Variants in RABEP1 observed in about 807,000 individuals in gnomAD.
RABEP1 encodes rab GTPase-binding effector protein 1.
A neutral mutation model predicts 123.4 loss-of-function variants in RABEP1; 51 were observed. That is an observed-to-expected ratio of 0.41 (90% CI 0.33 to 0.52). The LOEUF (loss-of-function observed/expected upper bound fraction) is 0.52. Ranked by LOEUF, RABEP1 falls within the 20% of genes least tolerant of loss-of-function variation. RABEP1 has a pLI of 0.16. For missense variants in RABEP1, 888 were observed against 996.3 expected, an observed-to-expected ratio of 0.89 and a Z score of 1.46; for synonymous variants, 347 against 355.2, an observed-to-expected ratio of 0.98 and a Z score of 0.26.
chr17:5,322,116 C>T (rs538594289), intron 2 of RABEP1, among the ~76,000 whole-genome samples: 6 of 152,254 alleles, frequency 3.9e-5, no homozygotes, highest in African/African-American at 1.4e-4. Context: ...AGGAGAACCG[C>T]TTGAACCCAG....
Position 5,365,249 on chromosome 17 carries a change from G to T in RABEP1, c.1785+11G>T, listed in dbSNP as rs769764191. On this transcript the variant is annotated intron_variant, in intron 11 of 17. Coordinates refer to ENST00000537505, the MANE Select transcript of RABEP1 (RefSeq NM_004703.6). Reference sequence around the variant, plus strand: ...GATTCGAGTCACCAGGTAAGGGAGGGTTTATAGACTGTGGCCCATGAGGGA... The same window carrying T: ...GATTCGAGTCACCAGGTAAGGGAGGTTTTATAGACTGTGGCCCATGAGGGA... The T allele has an allele frequency of 3.2e-6, 5 of 1,555,770 alleles. No individual in the cohort carries two copies. The highest frequency in any genetic ancestry group is 2.6e-6 in the Non-Finnish European group (3 of 1,145,770).
chr17:5,369,700 T>C (rs957525587), intron 12 of RABEP1, among the ~76,000 whole-genome samples: 6 of 147,220 alleles, frequency 4.1e-5, no homozygotes, highest in Non-Finnish European at 7.5e-5. Flanking sequence ...CCTTCTTGTC[T>C]TTTTTTTTTT....
Position 5,385,813 on chromosome 17 carries a change from CTG to C in RABEP1, c.*2595_*2596del, listed in dbSNP as rs546065105. 1,048 of 244,920 alleles carry C rather than the reference CTG, an allele frequency of 4.3e-3. 5 individuals are homozygous for C. Among genetic ancestry groups the C allele is most frequent in the Non-Finnish European group, 6.6e-3 (833 of 126,672 alleles). 15.2% of individuals were successfully genotyped at this position (244,920 alleles called of 1,614,324 possible). A position where few individuals can be genotyped will look rare whatever the true frequency, so the allele number is the denominator to read the frequency against. On this transcript the variant is annotated 3_prime_UTR_variant, in exon 18 of 18. Coordinates refer to ENST00000537505, the MANE Select transcript of RABEP1 (RefSeq NM_004703.6). The stretch of plus-strand genomic sequence containing the variant: ...ATTAAAAAAGCTGCTGCCAAGTACA[CTG>C]TGTGGTCTTCTCCTTTGAATCCTAG...
At chr17:5,302,903 T>C (rs2075148454) in intron 1 of RABEP1, among the ~76,000 whole-genome samples, 1 of 142,062 alleles carries the variant, frequency 7.0e-6, no homozygotes, top group Non-Finnish European at 1.5e-5. Context: ...TAAAAAATGA[T>C]TTTTTTTGTG....
Position 5,351,672 on chromosome 17 carries a change from C to T in RABEP1, c.963+1043C>T, listed in dbSNP as rs180977655. Among the ~76,000 whole-genome samples, 227 of 152,080 alleles carry T rather than the reference C, an allele frequency of 1.5e-3. 1 individual carries two copies. Among genetic ancestry groups the T allele is most frequent in the Non-Finnish European group, 2.9e-3 (198 of 67,992 alleles). ...GAATAATTAGCTGGGCATGGTGGCA[C>T]GTGCCTGTAGTTCCAGCTACTTGGG... On this transcript the variant is annotated intron_variant, in intron 7 of 17. Coordinates refer to ENST00000537505, the MANE Select transcript of RABEP1 (RefSeq NM_004703.6).
chr17:5,324,907 TGGG>T (rs373514733), intron 2 of RABEP1, among the ~76,000 whole-genome samples: 30 of 152,274 alleles, frequency 2.0e-4, no homozygotes, highest in African/African-American at 7.2e-4. Flanking sequence ...CCACTGATGG[TGGG>T]AATGTAAGTT....
chr17:5,304,438 C>T lies in RABEP1; in HGVS notation c.35-4256C>T, dbSNP rs534629109. ...CTACTAAAAATACAAAAAAATTAGC[C>T]GGGTATGGTGGTAGGCTCCTGTAAT... On this transcript the variant is annotated intron_variant, in intron 1 of 17. Transcript: ENST00000537505. 5.2e-4 allele frequency among the ~76,000 whole-genome samples: 79 copies of T among 151,546 alleles called. 1 individual carries two copies. The highest frequency in any genetic ancestry group is 1.7e-3 in the African/African-American group (72 of 41,420).
chr17:5,366,644 C>T (rs961664776), intron 11 of RABEP1, among the ~76,000 whole-genome samples: 36 of 151,988 alleles, frequency 2.4e-4, no homozygotes, highest in East Asian at 5.9e-4. Context: ...TGGGGTTTCA[C>T]GTTGTTGGCC....
rs1906954001 is a variant in RABEP1, at chr17:5,335,222, C to T, written c.406C>T (p.Leu136=). Residue 136 remains leucine, a synonymous_variant, in exon 4 of 18, where the codon CTG becomes TTG. Coordinates refer to ENST00000537505, the MANE Select transcript of RABEP1 (RefSeq NM_004703.6). ...RDYEHQFHLR[L]EQERTQWAQY... ...CTATGAGCACCAGTTCCACCTTAGG[C>T]TGGAGCAGGAGCGAACACAGTGGGC... 1.2e-6 allele frequency: 2 copies of T among 1,613,402 alleles called. No homozygotes were observed. Among genetic ancestry groups the T allele is most frequent in the Non-Finnish European group, 8.5e-7 (1 of 1,179,668 alleles).
At chr17:5,346,968 A>G (rs768967506) in intron 6 of RABEP1, 43 bp downstream of exon 6, 8 of 1,461,766 alleles carry the variant, frequency 5.5e-6, no homozygotes, top group East Asian at 2.4e-5. Flanking sequence ...TAAGAACCAT[A>G]TAAGTTAAAT....
intron 12 of RABEP1, among the ~76,000 whole-genome samples, chr17:5,372,012 A>G (rs532846449): frequency 1.3e-5 from 2 of 152,226 alleles, no homozygotes; most frequent in Admixed American, 6.5e-5. Flanking sequence ...ACAGATTAGC[A>G]GGAGTCACGT....
At chr17:5,293,116 G>A (rs888825084) in intron 1 of RABEP1, among the ~76,000 whole-genome samples, 10 of 152,116 alleles carry the variant, frequency 6.6e-5, no homozygotes, top group South Asian at 2.1e-4. Context: ...ATGAAACCCC[G>A]TCTCTACTAA....
At chr17:5,366,316 T>C (rs368536016) in intron 11 of RABEP1, among the ~76,000 whole-genome samples, 3 of 152,368 alleles carry the variant, frequency 2.0e-5, no homozygotes, top group Admixed American at 1.3e-4. Context: ...CTTATCCTCA[T>C]CTTTTTATTG....
intron 7 of RABEP1, among the ~76,000 whole-genome samples, chr17:5,353,630 T>C (rs1908757561): frequency 6.6e-6 from 1 of 152,122 alleles, no homozygotes; most frequent in South Asian, 2.1e-4. Flanking sequence ...GGAGGATCGC[T>C]TGAGCCTGGG....
chr17:5,373,899 G>A (rs576766562), intron 13 of RABEP1, among the ~76,000 whole-genome samples: 2 of 152,018 alleles, frequency 1.3e-5, no homozygotes, highest in Admixed American at 6.6e-5. Context: ...GTTCTTTCAC[G>A]TAGCCTTAAT....
At position 5,354,461 on chromosome 17, in the gene RABEP1, G is replaced by T; in HGVS notation, c.1066G>T (p.Glu356Ter). 3.1e-6 allele frequency: 5 copies of T among 1,612,346 alleles called. No homozygotes were observed. Among genetic ancestry groups the T allele is most frequent in the Non-Finnish European group, 4.2e-6 (5 of 1,179,360 alleles). The change falls in exon 8 of 18, where the codon GAA (glutamate) becomes TAA (stop). Residue 356 changes from glutamate to a stop codon, truncating the protein, a stop_gained. Transcript: ENST00000537505. LOFTEE classifies it high-confidence loss of function. Reference protein sequence around the residue: ...IPVVCALTQEESSAQLSNEEE... With the variant: ...IPVVCALTQE ...AGTAGTGTGTGCTTTAACTCAAGAA[G>T]AATCTTCAGCCCAGTTATCAAATGA... is the stretch of plus-strand genomic sequence containing the variant.
intron 10 of RABEP1, among the ~76,000 whole-genome samples, chr17:5,363,745 A>G (rs1334907493): frequency 6.6e-6 from 1 of 152,226 alleles, no homozygotes; most frequent in African/African-American, 2.4e-5. Context: ...CCTTCAGTGC[A>G]TATTACTCAT....
chr17:5,379,010 G>T (rs2144731305), intron 15 of RABEP1, among the ~76,000 whole-genome samples: 1 of 152,302 alleles, frequency 6.6e-6, no homozygotes, highest in Non-Finnish European at 1.5e-5. Context: ...CCCAGCTGCT[G>T]ATGCCACGAG....
chr17:5,364,087 T>C (rs1909805813), intron 10 of RABEP1, among the ~76,000 whole-genome samples: 2 of 152,224 alleles, frequency 1.3e-5, no homozygotes, highest in Non-Finnish European at 2.9e-5. Context: ...CTTCATACAC[T>C]GTGTGCTTTA....
Sources: gnomAD v4.1 joint callset for allele counts (sites outside exome capture counted in the v4.1 genomes callset) on GRCh38, gnomAD v4.1.1 for gene constraint, MANE v1.5 for transcripts, NCBI Gene and HGNC (gene_info 2026-07-23, HGNC 2026-07-21) for gene names.